The following ERBIN variants were observed in gnomAD, a reference collection of about 807,000 sequenced individuals.
ERBIN encodes the protein densin-180-like protein.
Under a neutral mutation model 158.4 loss-of-function variants are expected in ERBIN, and 60 were observed. That is an observed-to-expected ratio of 0.38 (90% CI 0.31 to 0.47). ERBIN has a LOEUF of 0.47. Among genes scored for constraint, ERBIN ranks in the 20% least tolerant of loss-of-function variants. The pLI is 0.99. For missense variants in ERBIN, 1,610 were observed against 1,648.0 expected (o/e 0.98, Z 0.40); for synonymous variants, 594 against 557.2 (o/e 1.07, Z -0.93).
At chr5:66,031,370 C>T (rs1220319399) in intron 14 of ERBIN, among the ~76,000 whole-genome samples, 2 of 152,060 alleles carry the variant, frequency 1.3e-5, no homozygotes, top group African/African-American at 4.8e-5. Flanking sequence ...CTGCTTTGTG[C>T]CAGGCAATTT....
chr5:65,997,955 T>C (rs1237842206), intron 4 of ERBIN, among the ~76,000 whole-genome samples: 3 of 151,772 alleles, frequency 2.0e-5, no homozygotes, highest in Non-Finnish European at 2.9e-5. Flanking sequence ...CACAAAGTTA[T>C]GTTGGCTCAC....
chr5:66,003,958 G>A (rs1156778171), intron 4 of ERBIN, among the ~76,000 whole-genome samples: 7 of 142,988 alleles, frequency 4.9e-5, no homozygotes, highest in East Asian at 4.1e-4. Context: ...TATAAGAGGC[G>A]GTGTCTTGCT....
rs371953654 is a variant in ERBIN, at chr5:66,054,568, G to A, written c.3250G>A (p.Ala1084Thr). 2.5e-6 allele frequency: 4 copies of A among 1,614,008 alleles called. No individual in the cohort carries two copies. In the African/African-American group the frequency reaches 4.0e-5, roughly 16 times the overall value. ...GCGACAAAGTAGTGTGTCCTCCACAGCCTCTGTAAATCTTGGTGATCCAGG... is the reference window on the plus strand; with the variant it reads ...GCGACAAAGTAGTGTGTCCTCCACAACCTCTGTAAATCTTGGTGATCCAGG... ...IQRQSSVSST[A>T]SVNLGDPGST... is the part of the protein sequence containing the mutation. The change falls in exon 21 of 26, where the codon GCC becomes ACC. Residue 1084 changes from alanine to threonine, a missense_variant. Ala to Thr is a moderately conservative substitution (Grantham distance 58). This residue lies in a region of ERBIN where 1,014 missense variants were observed against 936.1 expected (regional missense o/e 1.08). Transcript: ENST00000284037.
intron 14 of ERBIN, among the ~76,000 whole-genome samples, chr5:66,034,698 T>C (rs1189467177): frequency 6.8e-6 from 1 of 146,948 alleles, no homozygotes. Context: ...GTTGAAGTAT[T>C]ATTAGTATCA....
At chr5:65,935,129 T>C (rs1054959669) in intron 1 of ERBIN, among the ~76,000 whole-genome samples, 1 of 152,166 alleles carries the variant, frequency 6.6e-6, no homozygotes, top group African/African-American at 2.4e-5. Flanking sequence ...CATATTTACA[T>C]CTATTTTTAT....
At position 66,053,711 on chromosome 5, in the gene ERBIN, T is replaced by C; in HGVS notation, c.2393T>C (p.Ile798Thr). The C allele has an allele frequency of 6.2e-7, 1 of 1,613,852 alleles. No individual in the cohort carries two copies. The highest frequency in any genetic ancestry group is 8.5e-7 in the Non-Finnish European group (1 of 1,179,974). The change falls in exon 21 of 26, where the codon ATT (isoleucine) becomes ACT (threonine). Residue 798 changes from isoleucine to threonine, a missense_variant. Ile to Thr is a moderately conservative substitution (Grantham distance 89). This residue lies in a region of ERBIN where 1,014 missense variants were observed against 936.1 expected (regional missense o/e 1.08). Transcript: ENST00000284037. ...GTGCTTGGAACAAGCTTTTTAAGCA[T>C]TAATTCTAAAGAGGAAACTGAGCAC... ...DIVLGTSFLSINSKEETEHLE... is the reference protein window; with the variant it reads ...DIVLGTSFLSTNSKEETEHLE...
chr5:65,994,896 C>A, intron 4 of ERBIN, 32 bp downstream of exon 4: 1 of 1,291,094 alleles, frequency 7.7e-7, no homozygotes, highest in Non-Finnish European at 1.1e-6. Context: ...ATTTTTTGTA[C>A]TTGGGAACAT....
At position 66,054,594 on chromosome 5, in the gene ERBIN, C is replaced by T; in HGVS notation, c.3276C>T (p.Gly1092=). The change falls in exon 21 of 26, where the codon GGC becomes GGT. Residue 1092 remains glycine (G), a synonymous_variant. Transcript: ENST00000284037. ...CCTCTGTAAATCTTGGTGATCCAGG[C>T]TCTACAAGGCGGGCTCAGATTCCTG... The part of the protein sequence containing the change: ...STASVNLGDP[G]STRRAQIPEG... 2 of 1,614,132 alleles carry T rather than the reference C, an allele frequency of 1.2e-6. No homozygotes were observed. Among genetic ancestry groups the T allele is most frequent in the Non-Finnish European group, 1.7e-6 (2 of 1,180,020 alleles).
At chr5:66,029,504 A>G (rs996097456) in intron 14 of ERBIN, among the ~76,000 whole-genome samples, 1 of 152,198 alleles carries the variant, frequency 6.6e-6, no homozygotes, top group African/African-American at 2.4e-5. Flanking sequence ...AATACAGTAA[A>G]GAAACCCGCA....
At chr5:65,982,709 T>C (rs1750789999) in intron 1 of ERBIN, among the ~76,000 whole-genome samples, 1 of 152,204 alleles carries the variant, frequency 6.6e-6, no homozygotes, top group African/African-American at 2.4e-5. Context: ...GAGAATGTAA[T>C]TGGAATTCTA....
chr5:66,064,995 C>T (rs901734074), intron 21 of ERBIN, among the ~76,000 whole-genome samples: 30 of 152,120 alleles, frequency 2.0e-4, no homozygotes, highest in African/African-American at 7.2e-4. Context: ...CCACCATGCC[C>T]TGCCAAATCA....
intron 7 of ERBIN, among the ~76,000 whole-genome samples, chr5:66,016,644 C>G (rs1367848673): frequency 6.9e-6 from 1 of 144,012 alleles, no homozygotes; most frequent in Admixed American, 7.1e-5. Flanking sequence ...GACGGAGTCT[C>G]TCTCTGTCGC....
At chr5:66,021,486 C>T in intron 8 of ERBIN, 101 bp downstream of exon 8, 1 of 871,806 alleles carries the variant, frequency 1.1e-6, no homozygotes, top group Non-Finnish European at 1.7e-6. Context: ...TAAAGGTTTA[C>T]TTTTTTTTCT....
At chr5:66,029,636 C>T (rs893882537) in intron 14 of ERBIN, among the ~76,000 whole-genome samples, 1 of 152,202 alleles carries the variant, frequency 6.6e-6, no homozygotes, top group East Asian at 1.9e-4. Context: ...GACAGAGTCT[C>T]GCTCTGCCGC....
intron 25 of ERBIN, among the ~76,000 whole-genome samples, chr5:66,077,802 A>T (rs1244511820): frequency 0.038 from 5,617 of 146,642 alleles, 360 homozygotes; most frequent in African/African-American, 0.15. Flanking sequence ...ACATACACAC[A>T]CACACACAGT....
At chr5:66,001,491 A>G (rs1414495333) in intron 4 of ERBIN, among the ~76,000 whole-genome samples, 1 of 152,068 alleles carries the variant, frequency 6.6e-6, no homozygotes, top group Non-Finnish European at 1.5e-5. Flanking sequence ...TTCATTTGGT[A>G]AGTTAGCATG....
At chr5:65,964,108 A>G (rs1027443418) in intron 1 of ERBIN, among the ~76,000 whole-genome samples, 1 of 151,874 alleles carries the variant, frequency 6.6e-6, no homozygotes, top group Non-Finnish European at 1.5e-5. Context: ...CGGTGTGACT[A>G]TTTTCTTTCA....
In ERBIN at chr5:66,018,572, T is replaced by TTATATAA. The variant is rs1554058888; in HGVS notation, c.534-2743_534-2737dup. Among the ~76,000 whole-genome samples, 6 of 29,844 alleles carry TTATATAA rather than the reference T, an allele frequency of 2.0e-4. 1 individual carries two copies. Among genetic ancestry groups the TTATATAA allele is most frequent in the African/African-American group, 1.5e-3 (6 of 3,890 alleles). 19.6% of individuals were successfully genotyped at this position (29,844 alleles called of 152,430 possible). On this transcript the variant is annotated intron_variant, in intron 7 of 25. Coordinates refer to ENST00000284037, the MANE Select transcript of ERBIN (RefSeq NM_001253697.2). ...TATATATTATATAATATATATTATA[T>TTATATAA]TATATAATATATATTATATAATATA...
At chr5:66,023,385 A>G (rs1402650667) in intron 9 of ERBIN, 21 bp downstream of exon 9, 2 of 1,518,284 alleles carry the variant, frequency 1.3e-6, no homozygotes, top group African/African-American at 2.7e-5. Context: ...GAGATTTTAA[A>G]TGGCATCACT....
Sources: allele counts gnomAD v4.1 joint callset (sites outside exome capture counted in the v4.1 genomes callset), GRCh38; gene constraint gnomAD v4.1.1; regional missense constraint gnomAD v4.1.1; transcripts MANE v1.5; gene names NCBI Gene and HGNC (gene_info 2026-07-23, HGNC 2026-07-21).